Variants in PI15 observed in about 807,000 individuals in gnomAD.
PI15 encodes 25 kDa trypsin inhibitor.
A neutral mutation model predicts 31.0 loss-of-function variants in PI15; 18 were observed. The ratio of observed to expected loss-of-function variants is 0.58; its 90% CI spans 0.40 to 0.86. The LOEUF is 0.86. Among genes scored for constraint, PI15 ranks in the 40% least tolerant of loss-of-function variants. The probability of loss-of-function intolerance (pLI) is 0.00; values close to 1 mark genes in which losing one functional copy is unlikely to be tolerated. For synonymous variants in PI15, 118 were observed against 119.1 expected, an observed-to-expected ratio of 0.99 and a Z score of 0.06; for missense variants, 282 against 328.1, an observed-to-expected ratio of 0.86 and a Z score of 1.09.
At chr8:74,843,860 A>G (rs1209618049) in intron 2 of PI15, 121 bp from the exon 3 acceptor site, 2 of 715,668 alleles carry the variant, frequency 2.8e-6, no homozygotes, top group Admixed American at 2.1e-5. Context: ...GAAAAAACAA[A>G]AACAAAAACA....
chr8:74,852,593 C>A lies in PI15; in HGVS notation c.*3340C>A, dbSNP rs1811123638. ...AAAACATTCATTTGAAAGTTCCATG[C>A]AGCTTTAGCACAGAGTTGACCAAAC... On this transcript the variant is annotated 3_prime_UTR_variant, in exon 6 of 6. Coordinates refer to ENST00000260113, the MANE Select transcript of PI15 (RefSeq NM_015886.5). 6.6e-6 allele frequency: 1 copy of A among 152,106 alleles called. No individual in the cohort carries two copies. Among genetic ancestry groups the A allele is most frequent in the South Asian group, 2.1e-4 (1 of 4,822 alleles). The allele number at this position is 152,106 out of a possible 1,614,324, so 9.4% of individuals were successfully genotyped here.
chr8:74,825,164 C>A, intron 1 of PI15, 46 bp from the exon 2 acceptor site: 1 of 1,077,038 alleles, frequency 9.3e-7, no homozygotes, highest in Non-Finnish European at 1.4e-6. Flanking sequence ...TACCCTCTGG[C>A]CCTATTTTTT....
At chr8:74,832,896 C>G (rs1422183987) in intron 2 of PI15, among the ~76,000 whole-genome samples, 4 of 151,994 alleles carry the variant, frequency 2.6e-5, no homozygotes, top group Non-Finnish European at 5.9e-5. Flanking sequence ...TGAAGTAGTC[C>G]AAAAGTGTTA....
At chr8:74,829,511 C>T (rs1322618422) in intron 2 of PI15, among the ~76,000 whole-genome samples, 1 of 152,044 alleles carries the variant, frequency 6.6e-6, no homozygotes, top group African/African-American at 2.4e-5. Flanking sequence ...GCAAGACCCA[C>T]ACATAGAGTA....
intron 5 of PI15, chr8:74,845,749 ATATG>A (rs1811016915): frequency 2.3e-6 from 1 of 443,308 alleles, no homozygotes; most frequent in Non-Finnish European, 4.1e-6. Context: ...TCTCCTTACC[ATATG>A]TTTTAATTAT....
chr8:74,848,215 T>C (rs1811052451), intron 5 of PI15, among the ~76,000 whole-genome samples: 1 of 152,164 alleles, frequency 6.6e-6, no homozygotes, highest in Non-Finnish European at 1.5e-5. Context: ...TTAGTAGCTA[T>C]GAATTTGCAT....
intron 2 of PI15, among the ~76,000 whole-genome samples, chr8:74,840,627 A>G (rs956034791): frequency 3.9e-5 from 6 of 152,198 alleles, no homozygotes; most frequent in African/African-American, 1.4e-4. Flanking sequence ...CTTCTTGAGT[A>G]GATGCAAGTT....
chr8:74,839,161 A>C (rs1473646456), intron 2 of PI15, among the ~76,000 whole-genome samples: 2 of 152,172 alleles, frequency 1.3e-5, no homozygotes, highest in Non-Finnish European at 2.9e-5. Flanking sequence ...TATTTAAATG[A>C]CTTCAGTGTG....
chr8:74,832,353 G>A (rs1810794886), intron 2 of PI15, among the ~76,000 whole-genome samples: 1 of 152,138 alleles, frequency 6.6e-6, no homozygotes, highest in Non-Finnish European at 1.5e-5. Context: ...AAAGTAGCTA[G>A]TGTGGGGGAA....
At chr8:74,839,760 T>G (rs1313217955) in intron 2 of PI15, among the ~76,000 whole-genome samples, 1 of 152,178 alleles carries the variant, frequency 6.6e-6, no homozygotes, top group African/African-American at 2.4e-5. Flanking sequence ...TACTAGGCAT[T>G]TCACAGAAAT....
Position 74,849,233 on chromosome 8 carries a change from T to C in PI15, c.757T>C (p.Tyr253His). ...GTGTTTTCCAGGAGTTACGTCAAAC[T>C]ACCTGTACTGGTTTAAATAAGTTTA... ...NLCFPGVTSN[Y>H]LYWFK The change falls in exon 6 of 6, where the codon TAC becomes CAC. Residue 253 changes from tyrosine (Y) to histidine (H), a missense_variant. Coordinates refer to ENST00000260113, the MANE Select transcript of PI15 (RefSeq NM_015886.5). 1 of 1,612,578 alleles carries C rather than the reference T, an allele frequency of 6.2e-7. No homozygotes were observed. The highest frequency in any genetic ancestry group is 1.7e-4 in the Middle Eastern group (1 of 6,054).
chr8:74,831,045 C>T (rs1810775216), intron 2 of PI15, among the ~76,000 whole-genome samples: 1 of 152,172 alleles, frequency 6.6e-6, no homozygotes, highest in South Asian at 2.1e-4. Flanking sequence ...TGCTTATTAT[C>T]ACTTTGATAC....
chr8:74,851,712 A>T lies in PI15; in HGVS notation c.*2459A>T, dbSNP rs2128766946. The T allele has an allele frequency of 6.6e-6, 1 of 152,180 alleles. No individual in the cohort carries two copies. Among genetic ancestry groups the T allele is most frequent in the African/African-American group, 2.4e-5 (1 of 41,556 alleles). The allele number at this position is 152,180 out of a possible 1,614,324, so 9.4% of individuals were successfully genotyped here. On this transcript the variant is annotated 3_prime_UTR_variant, in exon 6 of 6. Coordinates refer to ENST00000260113, the MANE Select transcript of PI15 (RefSeq NM_015886.5). The stretch of plus-strand genomic sequence containing the variant: ...TAACTAAGAAGCCAAAAATGGCAAC[A>T]ATTTACAGAAATCCCACCTTTCCAT...
At position 74,825,538 on chromosome 8, in the gene PI15, T is replaced by G. The variant is rs1219922091; in HGVS notation, c.273+16T>G. ...GGAATATATGGTAAGAAGAATTCTT[T>G]TTTTTTTTTTTAAGTTCTGAGTGAG... On this transcript the variant is annotated intron_variant, in intron 2 of 5. Transcript: ENST00000260113. The G allele has an allele frequency of 2.2e-5, 35 of 1,574,500 alleles. No homozygotes were observed. Among genetic ancestry groups the G allele is most frequent in the Non-Finnish European group, 3.0e-5 (35 of 1,156,452 alleles).
chr8:74,835,652 C>A (rs988556602), intron 2 of PI15, among the ~76,000 whole-genome samples: 4 of 152,172 alleles, frequency 2.6e-5, no homozygotes, highest in African/African-American at 9.7e-5. Flanking sequence ...TATGGGTGAG[C>A]TATAGATATC....
At position 74,845,213 on chromosome 8, in the gene PI15, A is replaced by AT; in HGVS notation, c.478_479insT (p.Arg160MetfsTer65). On this transcript the variant is annotated frameshift_variant, in exon 4 of 6. Transcript: ENST00000260113. LOFTEE classifies it high-confidence loss of function. ...TCCATATCCCCAGGATTGCAACCCC[A>AT]GATGTCCTATGAGATGTTTTGGTCC... 1 of 1,613,386 alleles carries AT rather than the reference A, an allele frequency of 6.2e-7. No individual in the cohort carries two copies. Among genetic ancestry groups the AT allele is most frequent in the South Asian group, 1.1e-5 (1 of 91,064 alleles).
chr8:74,835,751 A>T (rs1407544891), intron 2 of PI15, among the ~76,000 whole-genome samples: 1 of 152,218 alleles, frequency 6.6e-6, no homozygotes, highest in Non-Finnish European at 1.5e-5. Flanking sequence ...AAAGCACTTA[A>T]CCAAAATATG....
chr8:74,848,732 T>TATATATATATATAGAG (rs1191072583), intron 5 of PI15, among the ~76,000 whole-genome samples: 10 of 136,358 alleles, frequency 7.3e-5, no homozygotes, highest in African/African-American at 2.8e-4. Flanking sequence ...TATATATATA[T>TATATATATATATAGAG]AGAGAGAGAG....
At position 74,852,690 on chromosome 8, in the gene PI15, A is replaced by G. The variant is rs1189980082; in HGVS notation, c.*3437A>G. On this transcript the variant is annotated 3_prime_UTR_variant, in exon 6 of 6. Transcript: ENST00000260113. Reference sequence around the variant, plus strand: ...GAAATTTTTCTCATAATATATACCTATGTGAAACCAACTTATCTGCATAAT... The same window carrying G: ...GAAATTTTTCTCATAATATATACCTGTGTGAAACCAACTTATCTGCATAAT... 1.3e-5 allele frequency: 2 copies of G among 152,252 alleles called. No individual in the cohort carries two copies. The highest frequency in any genetic ancestry group is 3.9e-4 in the East Asian group (2 of 5,186). 9.4% of individuals were successfully genotyped at this position (152,252 alleles called of 1,614,324 possible). A position where few individuals can be genotyped will look rare whatever the true frequency, so the allele number is the denominator to read the frequency against.
Sources: gnomAD v4.1 joint callset for allele counts (sites outside exome capture counted in the v4.1 genomes callset) on GRCh38, gnomAD v4.1.1 for gene constraint, MANE v1.5 for transcripts, NCBI Gene and HGNC (gene_info 2026-07-23, HGNC 2026-07-21) for gene names.